Variants in ECT2 observed in about 807,000 individuals in gnomAD.
ECT2 encodes epithelial cell transforming 2, also known as protein ECT2.
ECT2 carries 61 observed loss-of-function variants against 116.9 expected under a neutral mutation model. That is an observed-to-expected ratio of 0.52 (90% CI 0.42 to 0.65). The LOEUF (loss-of-function observed/expected upper bound fraction) is 0.65, where lower values mean the gene tolerates loss of function less well. Ranked by LOEUF, ECT2 falls within the 30% of genes least tolerant of loss-of-function variation. ECT2 has a pLI of 0.00. For missense variants in ECT2, 937 were observed against 1,078.7 expected, an observed-to-expected ratio of 0.87 and a Z score of 1.84; for synonymous variants, 358 against 346.4, an observed-to-expected ratio of 1.03 and a Z score of -0.37.
At chr3:172,815,425 A>G (rs1729508812) in intron 22 of ECT2, among the ~76,000 whole-genome samples, 179 bp from the exon 23 acceptor site, 1 of 152,148 alleles carries the variant, frequency 6.6e-6, no homozygotes, top group Non-Finnish European at 1.5e-5. Context: ...CATTTACTGA[A>G]TGCTTATTTT....
At chr3:172,757,192 T>C (rs1003035301) in intron 5 of ECT2, 27 bp downstream of exon 5, 1 of 1,392,772 alleles carries the variant, frequency 7.2e-7, no homozygotes, top group South Asian at 1.9e-5. Context: ...ATTATGACTT[T>C]TCAAGTTAAA....
chr3:172,829,078 C>G, the ECT2 span: 3 of 701,948 alleles, frequency 4.3e-6, no homozygotes, highest in Admixed American at 5.3e-5. Flanking sequence ...ACTCTCTGGG[C>G]TATTCAAGAA....
intron 18 of ECT2, among the ~76,000 whole-genome samples, chr3:172,789,376 A>G (rs569920593): frequency 5.3e-4 from 81 of 151,994 alleles, no homozygotes; most frequent in African/African-American, 1.9e-3. Context: ...GCTAACTTTT[A>G]TATTTTCTGT....
At position 172,762,564 on chromosome 3, in the gene ECT2, G is replaced by A. The variant is rs1718528932; in HGVS notation, c.889+18G>A. On this transcript the variant is annotated intron_variant, in intron 9 of 24. Transcript: ENST00000392692. ...AATGCAAGGTAAAATTTAGCATAAT[G>A]TAAAAGTTATATCTATTTTAGTCCC... 6.3e-7 allele frequency: 1 copy of A among 1,585,476 alleles called. No individual in the cohort carries two copies. Among genetic ancestry groups the A allele is most frequent in the Non-Finnish European group, 8.5e-7 (1 of 1,172,352 alleles).
In ECT2 at chr3:172,774,008, C is replaced by T; in HGVS notation, c.1534C>T (p.His512Tyr). The change falls in exon 14 of 25, where the codon CAC (histidine) becomes TAC (tyrosine). Residue 512 changes from histidine (H) to tyrosine (Y), a missense_variant. Physicochemically the swap from His to Tyr is moderately conservative, Grantham distance 83. Coordinates refer to ENST00000392692, the MANE Select transcript of ECT2 (RefSeq NM_001258315.2). ...TAGCATCCCAGATATCTTTGATGTACACACTAAGATAAAGGTAAATTTGTA... is the reference window on the plus strand; with the variant it reads ...TAGCATCCCAGATATCTTTGATGTATACACTAAGATAAAGGTAAATTTGTA... ...FGSIPDIFDVHTKIKDDLEDL... is the reference protein window; with the variant it reads ...FGSIPDIFDVYTKIKDDLEDL... The T allele has an allele frequency of 6.2e-7, 1 of 1,611,214 alleles. No individual in the cohort carries two copies. Among genetic ancestry groups the T allele is most frequent in the Non-Finnish European group, 8.5e-7 (1 of 1,177,484 alleles).
intron 12 of ECT2, among the ~76,000 whole-genome samples, chr3:172,764,908 G>A (rs1170567412): frequency 6.6e-6 from 1 of 152,164 alleles, no homozygotes; most frequent in Non-Finnish European, 1.5e-5. Context: ...AGTTCACTTT[G>A]TGCTGAACTG....
intron 20 of ECT2, among the ~76,000 whole-genome samples, chr3:172,805,279 T>TA (rs141783228): frequency 0.033 from 5,004 of 152,292 alleles, 127 homozygotes; most frequent in Non-Finnish European, 0.044. Flanking sequence ...GGGTTTTTTT[T>TA]AAACTCTGTA....
chr3:172,792,301 G>A (rs982859401), intron 18 of ECT2, among the ~76,000 whole-genome samples: 1 of 152,132 alleles, frequency 6.6e-6, no homozygotes, highest in Admixed American at 6.5e-5. Context: ...ACTTGACACA[G>A]GGTTGCTTAC....
intron 18 of ECT2, among the ~76,000 whole-genome samples, chr3:172,790,934 C>G (rs1724540593): frequency 6.6e-6 from 1 of 152,204 alleles, no homozygotes; most frequent in Admixed American, 6.5e-5. Flanking sequence ...GTGGGCAGAT[C>G]ACTTGAGGCC....
At chr3:172,801,229 C>T (rs1048269243) in intron 18 of ECT2, among the ~76,000 whole-genome samples, 1 of 151,736 alleles carries the variant, frequency 6.6e-6, no homozygotes, top group Non-Finnish European at 1.5e-5. Context: ...TTTTTGTATT[C>T]TTAAAAATGT....
Position 172,802,842 on chromosome 3 carries a change from A to G in ECT2, c.1987-19A>G, listed in dbSNP as rs944799649. ...TTGATACCAAGTGATCTCTTTTGTT[A>G]TATTTTCAACCTATACAGGCTAATC... On this transcript the variant is annotated intron_variant, in intron 19 of 24. Transcript: ENST00000392692. 1 of 1,595,400 alleles carries G rather than the reference A, an allele frequency of 6.3e-7. No individual in the cohort carries two copies. The highest frequency in any genetic ancestry group is 8.5e-7 in the Non-Finnish European group (1 of 1,174,506).
intron 16 of ECT2, 113 bp from the exon 17 acceptor site, chr3:172,784,594 T>G: frequency 1.4e-6 from 1 of 732,244 alleles, no homozygotes; most frequent in Non-Finnish European, 2.3e-6. Flanking sequence ...ATTCCACTTC[T>G]TCTCTATTAG....
At chr3:172,800,869 C>T (rs1213662760) in intron 18 of ECT2, among the ~76,000 whole-genome samples, 2 of 152,162 alleles carry the variant, frequency 1.3e-5, no homozygotes, top group Admixed American at 6.5e-5. Flanking sequence ...TCTTGAAGAA[C>T]AGTTCATGTG....
chr3:172,811,703 C>T (rs1185470237), intron 22 of ECT2, among the ~76,000 whole-genome samples: 1 of 152,164 alleles, frequency 6.6e-6, no homozygotes, highest in African/African-American at 2.4e-5. Context: ...AAATTAAACA[C>T]ACTTGGAGTT....
At chr3:172,798,641 A>T (rs546796128) in intron 18 of ECT2, among the ~76,000 whole-genome samples, 1 of 152,298 alleles carries the variant, frequency 6.6e-6, no homozygotes, top group East Asian at 1.9e-4. Context: ...GACTTAAGAA[A>T]ATCTCTCTCA....
At chr3:172,803,048 C>A in intron 20 of ECT2, 68 bp downstream of exon 20, 2 of 1,384,118 alleles carry the variant, frequency 1.4e-6, no homozygotes, top group Non-Finnish European at 9.7e-7. Context: ...TATTTAAAAC[C>A]AAGCTTTAAT....
chr3:172,761,388 T>C (rs1263997966), intron 7 of ECT2, among the ~76,000 whole-genome samples: 1 of 152,204 alleles, frequency 6.6e-6, no homozygotes, highest in Non-Finnish European at 1.5e-5. Context: ...GATATATTTA[T>C]TTAAAATAAG....
intron 4 of ECT2, 148 bp from the exon 5 acceptor site, chr3:172,756,835 C>A (rs916610894): frequency 1.6e-6 from 1 of 640,294 alleles, no homozygotes; most frequent in Non-Finnish European, 2.5e-6. Context: ...AAGTGTAATG[C>A]TGATTATTGT....
At chr3:172,791,765 C>A (rs1724715399) in intron 18 of ECT2, among the ~76,000 whole-genome samples, 1 of 152,174 alleles carries the variant, frequency 6.6e-6, no homozygotes, top group Admixed American at 6.5e-5. Context: ...GGTTGTTTTA[C>A]TTATTATTCA....
Sources: allele counts gnomAD v4.1 joint callset (sites outside exome capture counted in the v4.1 genomes callset), GRCh38; gene constraint gnomAD v4.1.1; transcripts MANE v1.5; gene names NCBI Gene and HGNC (gene_info 2026-07-23, HGNC 2026-07-21).